LARP1: variants seen among roughly 807,000 people sequenced by gnomAD.
LARP1 encodes the protein la-related protein 1.
LARP1 carries 36 observed loss-of-function variants against 122.7 expected under a neutral mutation model. The observed-to-expected ratio is 0.29, with a 90% confidence interval of 0.22 to 0.39. LARP1 has a LOEUF of 0.39. Ranked by LOEUF, LARP1 falls within the 10% of genes least tolerant of loss-of-function variation. The pLI, the probability that LARP1 is intolerant of heterozygous loss-of-function variation, is 1.00. For missense variants in LARP1, 1,040 were observed against 1,403.6 expected (o/e 0.74, Z 4.14); for synonymous variants, 539 against 528.7 (o/e 1.02, Z -0.27).
chr5:154,756,202 C>G lies in LARP1; in HGVS notation c.436+9C>G. ...CGGACAGTCCCCCCCAGGTGGGTCT[C>G]CCTCCTTGCCCTCCTGGGTCCGGGG... On this transcript the variant is annotated intron_variant, in intron 1 of 18. Coordinates refer to ENST00000518297, the MANE Select transcript of LARP1 (RefSeq NM_033551.3). 8.0e-7 allele frequency: 1 copy of G among 1,253,438 alleles called. No homozygotes were observed. The highest frequency in any genetic ancestry group is 1.0e-6 in the Non-Finnish European group (1 of 970,820). 77.6% of individuals were successfully genotyped at this position (1,253,438 alleles called of 1,614,324 possible). A position where few individuals can be genotyped will look rare whatever the true frequency, so the allele number is the denominator to read the frequency against.
chr5:154,795,376 G>A (rs930226831), intron 8 of LARP1, 57 bp downstream of exon 8: 1 of 1,574,690 alleles, frequency 6.4e-7, no homozygotes, highest in Non-Finnish European at 8.7e-7. Flanking sequence ...TTAGGGAGCT[G>A]GAGTTTGGGC....
intron 15 of LARP1, among the ~76,000 whole-genome samples, chr5:154,807,178 T>C (rs930805535): frequency 6.6e-6 from 1 of 152,268 alleles, no homozygotes; most frequent in Admixed American, 6.5e-5. Context: ...CTTTATTCTT[T>C]TTATTGCCAA....
chr5:154,756,448 G>A (rs1486638657), intron 1 of LARP1: 2 of 990,708 alleles, frequency 2.0e-6, no homozygotes, highest in Non-Finnish European at 1.2e-6. Flanking sequence ...AGTGGGCAAC[G>A]GTGTGGTTCG....
At chr5:154,708,678 C>G (rs1310703289), upstream of LARP1, among the ~76,000 whole-genome samples, 2 of 152,100 alleles carry the variant, frequency 1.3e-5, no homozygotes, top group Non-Finnish European at 2.9e-5. Flanking sequence ...CAATGGTGAT[C>G]TCGGCTCACC....
In LARP1 at chr5:154,741,824, TG is replaced by T. The variant is rs769025242; in HGVS notation, c.205+28696del. Among the ~76,000 whole-genome samples, 22 of 152,114 alleles carry T rather than the reference TG, an allele frequency of 1.4e-4. No individual in the cohort carries two copies. The East Asian group carries it at 2.7e-3, about 19-fold the overall frequency. On this transcript the variant is annotated intron_variant, in intron 1 of 18. Coordinates refer to the LARP1 transcript ENST00000336314. ...GTTTGTTTGTTTGTTTTTAAGAGAG[TG>T]GCAGACATACTGTAACATTTCCTGC... is the stretch of plus-strand genomic sequence containing the variant.
chr5:154,692,876 G>A (rs1754286548), intron 1 of LARP1, among the ~76,000 whole-genome samples: 1 of 152,142 alleles, frequency 6.6e-6, no homozygotes, highest in East Asian at 1.9e-4. Flanking sequence ...ATACAAGCAG[G>A]TGTTTAAACA....
At chr5:154,786,429 C>T (rs561800768) in intron 1 of LARP1, 1 of 455,948 alleles carries the variant, frequency 2.2e-6, no homozygotes, top group South Asian at 1.5e-5. Context: ...AGTACTGGCT[C>T]CTGGCTATGG....
chr5:154,754,806 G>T (rs933974257), upstream of LARP1, among the ~76,000 whole-genome samples: 18 of 152,200 alleles, frequency 1.2e-4, no homozygotes, highest in African/African-American at 4.1e-4. Context: ...GGACCGAAGG[G>T]GCCAGGCCCG....
intron 1 of LARP1, among the ~76,000 whole-genome samples, chr5:154,707,112 C>G (rs2113274688): frequency 6.6e-6 from 1 of 151,990 alleles, no homozygotes; most frequent in East Asian, 1.9e-4. Context: ...TGGAGTATTC[C>G]CAAATTGCTC....
chr5:154,698,402 G>A (rs896865081), intron 1 of LARP1, among the ~76,000 whole-genome samples: 1 of 152,082 alleles, frequency 6.6e-6, no homozygotes, highest in African/African-American at 2.4e-5. Flanking sequence ...TTCGAGACCA[G>A]CCTGGCCAAC....
At chr5:154,781,454 A>G (rs1756429755) in intron 1 of LARP1, among the ~76,000 whole-genome samples, 1 of 151,838 alleles carries the variant, frequency 6.6e-6, no homozygotes, top group Non-Finnish European at 1.5e-5. Context: ...TTAGCTGGGC[A>G]TGGTGACACA....
Position 154,802,321 on chromosome 5 carries a change from G to T in LARP1, c.2031G>T (p.Lys677Asn). The T allele has an allele frequency of 1.2e-6, 2 of 1,614,188 alleles. No homozygotes were observed. Among genetic ancestry groups the T allele is most frequent in the Non-Finnish European group, 1.7e-6 (2 of 1,180,034 alleles). Residue 677 changes from lysine (K) to asparagine (N), a missense_variant, in exon 11 of 19, where the codon AAG becomes AAT. Lys to Asn is a moderately conservative substitution (Grantham distance 94). Coordinates refer to ENST00000518297, the MANE Select transcript of LARP1 (RefSeq NM_033551.3). This position sits in a 1 kb window ranked among gnomAD's most constrained non-coding sequence, Gnocchi z 5.1. ...CCAAGATGAGCGCCGAACTGGCCAA[G>T]GTCATTAATGATGGCCTCTTCTACT... ...SRAKMSAELA[K>N]VINDGLFYYE...
chr5:154,781,561 C>A (rs1238419029), intron 1 of LARP1, among the ~76,000 whole-genome samples: 1 of 151,972 alleles, frequency 6.6e-6, no homozygotes, highest in Non-Finnish European at 1.5e-5. Context: ...CCATTGCACT[C>A]CAGCCTGGGT....
chr5:154,781,999 G>A (rs1756488469), intron 1 of LARP1, among the ~76,000 whole-genome samples: 1 of 152,124 alleles, frequency 6.6e-6, no homozygotes, highest in African/African-American at 2.4e-5. Flanking sequence ...CAGAGTTGCT[G>A]GTTTTGTGGC....
Position 154,802,325 on chromosome 5 carries a change from A to G in LARP1, c.2035A>G (p.Ile679Val), listed in dbSNP as rs749629605. 2 of 1,614,232 alleles carry G rather than the reference A, an allele frequency of 1.2e-6. No homozygotes were observed. Among genetic ancestry groups the G allele is most frequent in the Admixed American group, 3.3e-5 (2 of 60,034 alleles). Residue 679 changes from isoleucine to valine, a missense_variant, in exon 11 of 19, where the codon ATT (isoleucine) becomes GTT (valine). Physicochemically the swap from Ile to Val is conservative, Grantham distance 29. Transcript: ENST00000518297. The surrounding 1 kb of genome is among the most constrained non-coding windows in gnomAD (Gnocchi z 5.1). ...AKMSAELAKV[I>V]NDGLFYYEQD... ...GATGAGCGCCGAACTGGCCAAGGTCATTAATGATGGCCTCTTCTACTATGA... is the reference window on the plus strand; with the variant it reads ...GATGAGCGCCGAACTGGCCAAGGTCGTTAATGATGGCCTCTTCTACTATGA...
chr5:154,707,739 C>T (rs762433996), intron 1 of LARP1, among the ~76,000 whole-genome samples: 2 of 152,066 alleles, frequency 1.3e-5, no homozygotes, highest in South Asian at 2.1e-4. Context: ...TGCAACTAGA[C>T]GGTCCCATTT....
intron 1 of LARP1, chr5:154,729,621 C>A: frequency 2.4e-6 from 1 of 414,506 alleles, no homozygotes; most frequent in East Asian, 6.4e-5. Flanking sequence ...CCACTCCACC[C>A]AAACACACTT....
chr5:154,759,136 A>G (rs1040494585), intron 1 of LARP1, among the ~76,000 whole-genome samples: 1 of 152,206 alleles, frequency 6.6e-6, no homozygotes, highest in Non-Finnish European at 1.5e-5. Flanking sequence ...TAACCATTCT[A>G]TGCCTCACCT....
At chr5:154,725,677 T>C (rs1408528242) in intron 1 of LARP1, among the ~76,000 whole-genome samples, 1 of 152,200 alleles carries the variant, frequency 6.6e-6, no homozygotes, top group Non-Finnish European at 1.5e-5. Flanking sequence ...AGAAGCCCCA[T>C]ATTTACTTAC....
Sources: gnomAD v4.1 joint callset for allele counts (sites outside exome capture counted in the v4.1 genomes callset) on GRCh38, gnomAD v4.1.1 for gene constraint, Gnocchi (gnomAD v3.1) non-coding constraint, MANE v1.5 for transcripts, NCBI Gene and HGNC (gene_info 2026-07-23, HGNC 2026-07-21) for gene names.